PPFIA2: variants seen among roughly 807,000 people sequenced by gnomAD.
PPFIA2 encodes PPFI scaffold protein A2, also known as liprin-alpha-2.
A neutral mutation model predicts 175.5 loss-of-function variants in PPFIA2; 46 were observed. The ratio of observed to expected loss-of-function variants is 0.26; its 90% CI spans 0.21 to 0.34. PPFIA2 has a LOEUF of 0.34. PPFIA2 is among the 10% of genes least tolerant of loss of function. The probability of loss-of-function intolerance (pLI) is 1.00; values close to 1 mark genes in which losing one functional copy is unlikely to be tolerated. For synonymous variants in PPFIA2, 568 were observed against 511.4 expected (o/e 1.11, Z -1.49); for missense variants, 1,179 against 1,506.1 (o/e 0.78, Z 3.60).
intron 28 of PPFIA2, among the ~76,000 whole-genome samples, chr12:81,276,751 T>A (rs2040631371): frequency 6.6e-6 from 1 of 152,180 alleles, no homozygotes; most frequent in African/African-American, 2.4e-5. Flanking sequence ...TTTCTGCACA[T>A]AACAGCTGCA....
chr12:81,512,134 C>T, intron 4 of PPFIA2: 1 of 299,262 alleles, frequency 3.3e-6, no homozygotes, highest in Non-Finnish European at 6.4e-6. Context: ...AAGTTTTTTT[C>T]TGTAGTGTCC....
intron 17 of PPFIA2, 29 bp from the exon 18 acceptor site, chr12:81,347,799 T>C (rs371035807): frequency 1.9e-6 from 3 of 1,604,626 alleles, no homozygotes; most frequent in Non-Finnish European, 2.5e-6. Context: ...TTATGATCCA[T>C]ATATAATTTA....
intron 10 of PPFIA2, 81 bp from the exon 11 acceptor site, chr12:81,374,849 C>T: frequency 6.8e-6 from 9 of 1,329,612 alleles, no homozygotes; most frequent in Non-Finnish European, 9.3e-6. Context: ...CTTTGCACTT[C>T]AGCCATGATT....
intron 11 of PPFIA2, among the ~76,000 whole-genome samples, chr12:81,371,282 A>AGAC (rs756076167): frequency 6.9e-6 from 1 of 145,784 alleles, no homozygotes. Context: ...AATATATTTT[A>AGAC]TTAAAAATAA....
chr12:81,540,009 G>A (rs1405351314), intron 4 of PPFIA2, among the ~76,000 whole-genome samples: 1 of 151,890 alleles, frequency 6.6e-6, no homozygotes, highest in South Asian at 2.1e-4. Flanking sequence ...CAGAAGAGGG[G>A]TTTGTTTATC....
At chr12:81,299,759 G>T (rs1231209100) in intron 22 of PPFIA2, among the ~76,000 whole-genome samples, 1 of 152,034 alleles carries the variant, frequency 6.6e-6, no homozygotes, top group Non-Finnish European at 1.5e-5. Context: ...CATCTGCCCT[G>T]CCCTCTTTGC....
chr12:81,299,467 C>T, intron 22 of PPFIA2, 85 bp from the exon 23 acceptor site: 1 of 1,466,722 alleles, frequency 6.8e-7, no homozygotes, highest in Non-Finnish European at 9.1e-7. Flanking sequence ...TTAAAATAAC[C>T]AATCATCCTT....
chr12:81,418,129 C>A (rs1466333918), intron 7 of PPFIA2, among the ~76,000 whole-genome samples: 1 of 151,686 alleles, frequency 6.6e-6, no homozygotes, highest in Admixed American at 6.6e-5. Flanking sequence ...AAGGAAATTG[C>A]CTATGGTTAC....
At chr12:81,610,697 C>T (rs4491333) in intron 4 of PPFIA2, among the ~76,000 whole-genome samples, 14,477 of 152,116 alleles carry the variant, frequency 0.095, 850 homozygotes, top group South Asian at 0.16. Flanking sequence ...AGATTCTTGC[C>T]GTCCAGATTC....
At chr12:81,638,850 G>C (rs2064516192) in intron 4 of PPFIA2, among the ~76,000 whole-genome samples, 1 of 150,634 alleles carries the variant, frequency 6.6e-6, no homozygotes, top group Middle Eastern at 3.4e-3. Context: ...ACTACGCCCG[G>C]CTAATTTTTT....
intron 5 of PPFIA2, among the ~76,000 whole-genome samples, chr12:81,450,311 C>G (rs2052289874): frequency 6.6e-6 from 1 of 152,106 alleles, no homozygotes; most frequent in Non-Finnish European, 1.5e-5. Flanking sequence ...GTTGTTTCCT[C>G]ACTTTGTAAT....
chr12:81,698,169 T>C (rs962424491), intron 3 of PPFIA2, among the ~76,000 whole-genome samples: 1 of 152,108 alleles, frequency 6.6e-6, no homozygotes, highest in Admixed American at 6.6e-5. Context: ...AGAAAGAAGA[T>C]TTATTCATGT....
At chr12:81,368,603 A>G (rs1412807566) in intron 13 of PPFIA2, 122 bp downstream of exon 13, 3 of 1,026,372 alleles carry the variant, frequency 2.9e-6, no homozygotes, top group Non-Finnish European at 4.1e-6. Flanking sequence ...CTAAGAATAT[A>G]CCAGGCATTT....
intron 8 of PPFIA2, among the ~76,000 whole-genome samples, chr12:81,390,075 A>T (rs143452932): frequency 1.2e-4 from 19 of 152,168 alleles, no homozygotes; most frequent in African/African-American, 4.3e-4. Context: ...ACTGAGCATG[A>T]TGTTTTTGAA....
At chr12:81,610,717 T>C (rs977807235) in intron 4 of PPFIA2, among the ~76,000 whole-genome samples, 1 of 152,228 alleles carries the variant, frequency 6.6e-6, no homozygotes, top group Non-Finnish European at 1.5e-5. Flanking sequence ...CTGAATTCTA[T>C]GTTTGTCATT....
intron 7 of PPFIA2, among the ~76,000 whole-genome samples, chr12:81,425,754 C>T (rs1038261624): frequency 1.3e-5 from 2 of 152,126 alleles, no homozygotes; most frequent in African/African-American, 2.4e-5. Flanking sequence ...AAAACTTCCA[C>T]GACACATTTT....
chr12:81,460,052 T>C (rs1304944802), intron 4 of PPFIA2, among the ~76,000 whole-genome samples: 2 of 152,014 alleles, frequency 1.3e-5, no homozygotes, highest in African/African-American at 4.8e-5. Flanking sequence ...AGATCTGGAG[T>C]ACATTTAGAG....
chr12:81,666,629 G>A (rs1019130396), intron 4 of PPFIA2, among the ~76,000 whole-genome samples: 1 of 152,086 alleles, frequency 6.6e-6, no homozygotes, highest in Non-Finnish European at 1.5e-5. Flanking sequence ...AGAGAGTGGG[G>A]AGGGATAGCA....
At chr12:81,391,280 A>G (rs2040060298) in intron 8 of PPFIA2, among the ~76,000 whole-genome samples, 2 of 152,054 alleles carry the variant, frequency 1.3e-5, no homozygotes, top group South Asian at 4.1e-4. Context: ...TACTTATTCT[A>G]GGAGCAGAAA....
Sources: allele counts gnomAD v4.1 joint callset (sites outside exome capture counted in the v4.1 genomes callset), GRCh38; gene constraint gnomAD v4.1.1; transcripts MANE v1.5; gene names NCBI Gene and HGNC (gene_info 2026-07-23, HGNC 2026-07-21).